VAV1: variants seen among roughly 807,000 people sequenced by gnomAD.
VAV1 encodes the protein vav guanine nucleotide exchange factor 1.
Under a neutral mutation model 128.1 loss-of-function variants are expected in VAV1, and 33 were observed. The ratio of observed to expected loss-of-function variants is 0.26; its 90% CI spans 0.20 to 0.34. The LOEUF (loss-of-function observed/expected upper bound fraction) is 0.34, where lower values mean the gene tolerates loss of function less well. Among genes scored for constraint, VAV1 ranks in the 10% least tolerant of loss-of-function variants. The pLI is 1.00. For missense variants in VAV1, 715 were observed against 1,093.7 expected (o/e 0.65, Z 4.88); for synonymous variants, 394 against 409.8 (o/e 0.96, Z 0.47).
intron 1 of VAV1, among the ~76,000 whole-genome samples, chr19:6,799,054 G>A (rs1406290583): frequency 6.6e-6 from 1 of 152,072 alleles, no homozygotes. Flanking sequence ...TGCTTTCCCT[G>A]AGCATGATGT....
Position 6,829,774 on chromosome 19 carries a change from C to A in VAV1, c.1266-12C>A, listed in dbSNP as rs1480466497. 1 of 1,613,962 alleles carries A rather than the reference C, an allele frequency of 6.2e-7. No individual in the cohort carries two copies. Among genetic ancestry groups the A allele is most frequent in the Non-Finnish European group, 8.5e-7 (1 of 1,179,892 alleles). On this transcript the variant is annotated splice_polypyrimidine_tract_variant and intron_variant, in intron 13 of 26. Coordinates refer to ENST00000602142, the MANE Select transcript of VAV1 (RefSeq NM_005428.4). ...GAAGAGCCAGACAGGAATGCGTTAT[C>A]CATCCTTCCAGGTATGCCTTCCTGC... is the stretch of plus-strand genomic sequence containing the variant.
At chr19:6,780,852 G>C (rs544485374) in intron 1 of VAV1, among the ~76,000 whole-genome samples, 1 of 147,334 alleles carries the variant, frequency 6.8e-6, no homozygotes, top group African/African-American at 2.5e-5. Context: ...GGGATTACAC[G>C]TGATAGCCAC....
rs1972821519 is a variant in VAV1, at chr19:6,857,062, G to C, written c.2493G>C (p.Trp831Cys). ...TCCTCGTCTGTTTCCAGGTTGGCTG[G>C]TTCCCTGCCAACTACGTGGAGGAAG... is the stretch of plus-strand genomic sequence containing the variant. ...WRGEIYGRVG[W>C]FPANYVEEDY... The change falls in exon 27 of 27, where the codon TGG becomes TGC. Residue 831 changes from tryptophan (W) to cysteine (C), a missense_variant. Around this residue, in one of 3 missense-constraint regions of VAV1, gnomAD observed 407 missense variants for 580.6 expected, o/e 0.70. Coordinates refer to ENST00000602142, the MANE Select transcript of VAV1 (RefSeq NM_005428.4). The C allele has an allele frequency of 1.2e-6, 2 of 1,614,170 alleles. No homozygotes were observed. The highest frequency in any genetic ancestry group is 1.7e-6 in the Non-Finnish European group (2 of 1,180,008).
At chr19:6,848,173 A>G (rs1972572862) in intron 23 of VAV1, 59 bp downstream of exon 23, 3 of 1,465,710 alleles carry the variant, frequency 2.0e-6, no homozygotes. Context: ...GGGCCTGGGA[A>G]AAAGGGTATC....
chr19:6,787,605 T>C (rs1301134666), intron 1 of VAV1, among the ~76,000 whole-genome samples: 4 of 151,044 alleles, frequency 2.6e-5, no homozygotes, highest in Non-Finnish European at 5.9e-5. Context: ...TTTATTTATT[T>C]ATTTATTTAA....
At chr19:6,779,908 G>A (rs548849280) in intron 1 of VAV1, among the ~76,000 whole-genome samples, 2,100 of 149,260 alleles carry the variant, frequency 0.014, 65 homozygotes, top group African/African-American at 0.048. Context: ...TCAGGAGATC[G>A]AGACCATCCT....
intron 1 of VAV1, among the ~76,000 whole-genome samples, chr19:6,778,496 G>T (rs527835052): frequency 3.1e-4 from 47 of 152,260 alleles, no homozygotes; most frequent in African/African-American, 1.1e-3. Flanking sequence ...AGCCACACCT[G>T]GGTTCAAATT....
intron 1 of VAV1, among the ~76,000 whole-genome samples, chr19:6,795,460 C>T (rs778476573): frequency 6.0e-5 from 8 of 134,008 alleles, no homozygotes; most frequent in South Asian, 2.3e-4. Flanking sequence ...TCACCCAGGG[C>T]GTAGTTCTTT....
chr19:6,779,869 T>C (rs1478091774), intron 1 of VAV1, among the ~76,000 whole-genome samples: 1 of 149,648 alleles, frequency 6.7e-6, no homozygotes, highest in Non-Finnish European at 1.5e-5. Context: ...TCCAGCACTT[T>C]GGGAGGCCGA....
intron 21 of VAV1, among the ~76,000 whole-genome samples, chr19:6,842,358 C>G (rs959740763): frequency 6.6e-6 from 1 of 152,140 alleles, no homozygotes. Flanking sequence ...TGTAAATCTG[C>G]TCACCCTCCA....
At chr19:6,783,747 C>G (rs146130884) in intron 1 of VAV1, among the ~76,000 whole-genome samples, 2 of 152,016 alleles carry the variant, frequency 1.3e-5, no homozygotes, top group African/African-American at 4.8e-5. Context: ...GGATTACAGG[C>G]GTGAGCCACC....
intron 14 of VAV1, 115 bp from the exon 15 acceptor site, chr19:6,831,976 G>A (rs1194859526): frequency 7.8e-6 from 6 of 768,392 alleles, no homozygotes; most frequent in Non-Finnish European, 1.3e-5. Flanking sequence ...ATGGTGCTAG[G>A]GGCATAGAGA....
At chr19:6,827,800 G>T (rs886571559) in intron 9 of VAV1, among the ~76,000 whole-genome samples, 1 of 147,856 alleles carries the variant, frequency 6.8e-6, no homozygotes, top group African/African-American at 2.5e-5. Flanking sequence ...GGGTTTCCCC[G>T]TGTTGGCCAG....
chr19:6,833,766 A>G (rs186295), intron 18 of VAV1, 33 bp downstream of exon 18: 1,394,644 of 1,613,772 alleles, frequency 0.86, 603,459 homozygotes, highest in South Asian at 0.88. Flanking sequence ...CCTGTGTACC[A>G]CAAATAATGG....
intron 1 of VAV1, among the ~76,000 whole-genome samples, chr19:6,783,660 G>T (rs748652362): frequency 4.6e-5 from 7 of 151,598 alleles, no homozygotes; most frequent in Non-Finnish European, 1.0e-4. Context: ...TTTTGTAGGG[G>T]TTTCTCCATG....
chr19:6,836,405 C>T (rs1403109153), intron 19 of VAV1, 27 bp from the exon 20 acceptor site: 1 of 1,605,980 alleles, frequency 6.2e-7, no homozygotes, highest in South Asian at 1.1e-5. Context: ...TGCCAACCAC[C>T]CTGTACTCCT....
At chr19:6,809,181 A>G (rs1971462421) in intron 1 of VAV1, among the ~76,000 whole-genome samples, 1 of 151,654 alleles carries the variant, frequency 6.6e-6, no homozygotes, top group African/African-American at 2.4e-5. Context: ...CCTGGACTCA[A>G]TTGATCCTCA....
intron 1 of VAV1, among the ~76,000 whole-genome samples, chr19:6,812,474 G>A (rs1951546266): frequency 6.6e-6 from 1 of 152,098 alleles, no homozygotes. Context: ...GGCCAACATG[G>A]TGAAACCCTG....
chr19:6,780,718 C>T (rs1267284566), intron 1 of VAV1, among the ~76,000 whole-genome samples: 22 of 148,744 alleles, frequency 1.5e-4, no homozygotes, highest in African/African-American at 5.1e-4. Context: ...ATTACAGGCA[C>T]GTGCCACCAC....
Sources: gnomAD v4.1 joint callset for allele counts (sites outside exome capture counted in the v4.1 genomes callset) on GRCh38, gnomAD v4.1.1 for gene constraint, gnomAD v4.1.1 regional missense constraint, MANE v1.5 for transcripts, NCBI Gene and HGNC (gene_info 2026-07-23, HGNC 2026-07-21) for gene names.